The following RILPL1 variants were observed in gnomAD, a reference collection of about 807,000 sequenced individuals.
RILPL1 encodes RILP-like protein 1.
Under a neutral mutation model 50.3 loss-of-function variants are expected in RILPL1, and 33 were observed. The ratio of observed to expected loss-of-function variants is 0.66; its 90% CI spans 0.50 to 0.88. The LOEUF (loss-of-function observed/expected upper bound fraction) is 0.88. Ranked by LOEUF, RILPL1 falls within the 40% of genes least tolerant of loss-of-function variation. The pLI is 0.00. For missense variants in RILPL1, 418 were observed against 542.5 expected, an observed-to-expected ratio of 0.77 and a Z score of 2.28; for synonymous variants, 205 against 228.6, an observed-to-expected ratio of 0.90 and a Z score of 0.93.
chr12:123,507,460 G>C (rs73412279), intron 2 of RILPL1, among the ~76,000 whole-genome samples: 1 of 151,648 alleles, frequency 6.6e-6, no homozygotes, highest in African/African-American at 2.4e-5. Flanking sequence ...AGCTACTCAA[G>C]AGGCTGAAGC....
chr12:123,526,642 T>A (rs1593609191), intron 1 of RILPL1, among the ~76,000 whole-genome samples: 1 of 152,250 alleles, frequency 6.6e-6, no homozygotes, highest in East Asian at 1.9e-4. Flanking sequence ...ATGGCCTCTG[T>A]CCATCTTCTA....
chr12:123,524,186 G>A, intron 1 of RILPL1, among the ~76,000 whole-genome samples: 1 of 152,164 alleles, frequency 6.6e-6, no homozygotes, highest in East Asian at 1.9e-4. Context: ...CCTCAGTGGT[G>A]GAACCAAAAC....
At chr12:123,478,151 C>T (rs1466974975) in intron 6 of RILPL1, among the ~76,000 whole-genome samples, 1 of 151,814 alleles carries the variant, frequency 6.6e-6, no homozygotes, top group African/African-American at 2.4e-5. Context: ...CATGTGCCAC[C>T]ATGCCCGGCC....
At chr12:123,503,492 C>T (rs563477275) in intron 2 of RILPL1, among the ~76,000 whole-genome samples, 2 of 151,992 alleles carry the variant, frequency 1.3e-5, no homozygotes, top group African/African-American at 4.8e-5. Flanking sequence ...CATGAGCCAC[C>T]GTGCCTGGCC....
rs898721922 is a variant in RILPL1 at position 123,472,779 on chromosome 12, A to C, written c.1068-97T>G. The C allele has an allele frequency of 1.1e-5, 15 of 1,319,498 alleles. No homozygotes were observed. In the African/African-American group the frequency reaches 1.9e-4, roughly 17 times the overall value. 81.7% of individuals were successfully genotyped at this position (1,319,498 alleles called of 1,614,324 possible). On this transcript the variant is annotated intron_variant, in intron 6 of 6. Coordinates refer to ENST00000376874, the MANE Select transcript of RILPL1 (RefSeq NM_178314.5). The stretch of plus-strand genomic sequence containing the variant: ...CGGAGACATATAGCAGCAAACTTAG[A>C]AGGGAGCAAATCAATTCAAGGTGTG...
At chr12:123,529,944 A>C (rs1331258937) in intron 1 of RILPL1, among the ~76,000 whole-genome samples, 3 of 151,904 alleles carry the variant, frequency 2.0e-5, no homozygotes, top group African/African-American at 7.2e-5. Context: ...CATCCCATGG[A>C]AAGTCAGTAG....
Position 123,533,130 on chromosome 12 carries a change from C to G in RILPL1, c.309+44G>C. 6.7e-7 allele frequency: 1 copy of G among 1,484,656 alleles called. No individual in the cohort carries two copies. The allele number at this position is 1,484,656 out of a possible 1,614,324, so 92.0% of individuals were successfully genotyped here. A position where few individuals can be genotyped will look rare whatever the true frequency, so the allele number is the denominator to read the frequency against. Reference sequence around the variant, plus strand: ...CAATGCGGAAGAGCCCTTGGGTCCCCGCGGTCCCACTGCCCGGACGGACAG... The same window carrying G: ...CAATGCGGAAGAGCCCTTGGGTCCCGGCGGTCCCACTGCCCGGACGGACAG... On this transcript the variant is annotated intron_variant, in intron 1 of 6. Coordinates refer to ENST00000376874, the MANE Select transcript of RILPL1 (RefSeq NM_178314.5). This position sits in a 1 kb window ranked among gnomAD's most constrained non-coding sequence, Gnocchi z 6.2.
Position 123,485,022 on chromosome 12 carries a change from T to C in RILPL1, c.974+611A>G, listed in dbSNP as rs1324162549. ...CTTTCAATAAAAATGTGTGGTATTA[T>C]ATTTTTTATGCATCTCTTATCTTCC... On this transcript the variant is annotated intron_variant, in intron 5 of 6. Transcript: ENST00000376874. The surrounding 1 kb of genome is among the most constrained non-coding windows in gnomAD (Gnocchi z 4.0). The C allele has an allele frequency of 2.5e-6, 1 of 408,048 alleles. No individual in the cohort carries two copies. The highest frequency in any genetic ancestry group is 5.0e-6 in the Non-Finnish European group (1 of 201,368). The allele number at this position is 408,048 out of a possible 1,614,324, so 25.3% of individuals were successfully genotyped here.
Position 123,470,628 on chromosome 12 carries a change from A to G in RILPL1, c.*1910T>C, listed in dbSNP as rs141588022. On this transcript the variant is annotated 3_prime_UTR_variant, in exon 7 of 7. Transcript: ENST00000376874. ...GTGAAACCCCGTCTTTACTAAAAAT[A>G]CAAAAATTAGTCAGGTATGGTGGCA... 4.6e-5 allele frequency: 7 copies of G among 152,238 alleles called. No homozygotes were observed. Among genetic ancestry groups the G allele is most frequent in the African/African-American group, 1.4e-4 (6 of 41,488 alleles). The allele number at this position is 152,238 out of a possible 1,614,324, so 9.4% of individuals were successfully genotyped here.
intron 2 of RILPL1, chr12:123,513,859 G>A (rs536167647): frequency 6.6e-6 from 1 of 152,310 alleles, no homozygotes; most frequent in South Asian, 2.1e-4. Flanking sequence ...GGGGCACCAT[G>A]GAGAAGCTCG....
intron 4 of RILPL1, among the ~76,000 whole-genome samples, chr12:123,493,459 T>A (rs1030346778): frequency 1.3e-5 from 2 of 152,246 alleles, no homozygotes; most frequent in East Asian, 3.8e-4. Context: ...ACTGGTTCCC[T>A]GGGTCCCCTT....
At chr12:123,511,491 GTATGTGTGTATGTGGTGTGTCTGAGGTC>G (rs1884199228) in intron 2 of RILPL1, among the ~76,000 whole-genome samples, 1 of 138,658 alleles carries the variant, frequency 7.2e-6, no homozygotes. Flanking sequence ...TGTGAGGTCT[GTATGTGTGTATGTGGTGTGTCTGAGGTC>G]TGTGTGTGGT....
At chr12:123,506,818 G>A (rs942021009) in intron 2 of RILPL1, among the ~76,000 whole-genome samples, 12 of 152,156 alleles carry the variant, frequency 7.9e-5, no homozygotes, top group African/African-American at 2.9e-4. Context: ...AAACTGGATG[G>A]TGCATCCTCC....
chr12:123,511,885 G>T (rs1262532655), intron 2 of RILPL1, among the ~76,000 whole-genome samples: 7 of 137,856 alleles, frequency 5.1e-5, no homozygotes, highest in Non-Finnish European at 7.8e-5. Flanking sequence ...TTGTGTGTGT[G>T]TGTGGTGTGA....
rs562447372 is a variant in RILPL1, at chr12:123,491,632, C to T, written c.802-5827G>A. ...ATAAATTCAATGCATAAATTCTGCC[C>T]GCCTTTCAGCCAGCATACGCCTGTC... On this transcript the variant is annotated intron_variant, in intron 4 of 6. Transcript: ENST00000376874. The surrounding 1 kb of genome is among the most constrained non-coding windows in gnomAD (Gnocchi z 4.0). Among the ~76,000 whole-genome samples, 1 of 152,200 alleles carries T rather than the reference C, an allele frequency of 6.6e-6. No individual in the cohort carries two copies. Among genetic ancestry groups the T allele is most frequent in the Non-Finnish European group, 1.5e-5 (1 of 68,042 alleles).
rs1881249259 is a variant in RILPL1 at position 123,472,427 on chromosome 12, C to T, written c.*111G>A. 1 of 1,196,936 alleles carries T rather than the reference C, an allele frequency of 8.4e-7. No homozygotes were observed. The highest frequency in any genetic ancestry group is 1.2e-6 in the Non-Finnish European group (1 of 858,406). 74.1% of individuals were successfully genotyped at this position (1,196,936 alleles called of 1,614,324 possible). A position where few individuals can be genotyped will look rare whatever the true frequency, so the allele number is the denominator to read the frequency against. On this transcript the variant is annotated 3_prime_UTR_variant, in exon 7 of 7. Transcript: ENST00000376874. Reference sequence around the variant, plus strand: ...ACAGTCTGTTTGAGGGGTCAGTTTTCAGGGTGCATCTGCACCGAGAGGCTT... The same window carrying T: ...ACAGTCTGTTTGAGGGGTCAGTTTTTAGGGTGCATCTGCACCGAGAGGCTT...
intron 6 of RILPL1, among the ~76,000 whole-genome samples, chr12:123,482,150 G>A (rs1882044439): frequency 6.6e-6 from 1 of 151,998 alleles, no homozygotes; most frequent in Non-Finnish European, 1.5e-5. Flanking sequence ...GGGATTACAG[G>A]CGTGAGCTAC....
intron 1 of RILPL1, among the ~76,000 whole-genome samples, chr12:123,526,928 T>C (rs899326587): frequency 2.0e-5 from 3 of 152,072 alleles, no homozygotes; most frequent in Non-Finnish European, 4.4e-5. Flanking sequence ...ATCAGTCAAG[T>C]GTAACTGGCT....
At chr12:123,482,793 TG>T (rs902545608) in intron 6 of RILPL1, among the ~76,000 whole-genome samples, 5 of 150,924 alleles carry the variant, frequency 3.3e-5, no homozygotes, top group African/African-American at 1.2e-4. Flanking sequence ...TGTAGAGAGG[TG>T]GTTTCACCAT....
Sources: gnomAD v4.1 joint callset for allele counts (sites outside exome capture counted in the v4.1 genomes callset) on GRCh38, gnomAD v4.1.1 for gene constraint, Gnocchi (gnomAD v3.1) non-coding constraint, MANE v1.5 for transcripts, NCBI Gene and HGNC (gene_info 2026-07-23, HGNC 2026-07-21) for gene names.